The following FAM193A variants were observed in gnomAD, a reference collection of about 807,000 sequenced individuals.
FAM193A encodes protein FAM193A.
FAM193A carries 22 observed loss-of-function variants against 126.5 expected under a neutral mutation model. That is an observed-to-expected ratio of 0.17 (90% CI 0.12 to 0.25). The LOEUF (loss-of-function observed/expected upper bound fraction) is 0.25, where lower values mean the gene tolerates loss of function less well. Among genes scored for constraint, FAM193A ranks in the 10% least tolerant of loss-of-function variants. The pLI is 1.00. For synonymous variants in FAM193A, 761 were observed against 646.8 expected, an observed-to-expected ratio of 1.18 and a Z score of -2.68; for missense variants, 1,675 against 1,672.8, an observed-to-expected ratio of 1.00 and a Z score of -0.02.
At position 2,693,940 on chromosome 4, in the gene FAM193A, C is replaced by A. The variant is rs1716731759; in HGVS notation, c.3092+66C>A. The A allele has an allele frequency of 2.2e-5, 33 of 1,501,390 alleles. 1 individual carries two copies. In the South Asian group the frequency reaches 4.0e-4, roughly 18 times the overall value. The allele number at this position is 1,501,390 out of a possible 1,614,324, so 93.0% of individuals were successfully genotyped here. ...AAATGGGTGTTATGCCTCACTAACACAGCTACAGAAACTCCCCTGGGACCA... is the reference window on the plus strand; with the variant it reads ...AAATGGGTGTTATGCCTCACTAACAAAGCTACAGAAACTCCCCTGGGACCA... On this transcript the variant is annotated intron_variant, in intron 16 of 20. Coordinates refer to ENST00000637812, the MANE Select transcript of FAM193A (RefSeq NM_001366318.2).
intron 19 of FAM193A, among the ~76,000 whole-genome samples, chr4:2,703,675 A>T (rs1412569392): frequency 1.3e-5 from 2 of 149,652 alleles, no homozygotes; most frequent in Non-Finnish European, 3.0e-5. Flanking sequence ...GTCAAAAGGT[A>T]AGTGTGTTCC....
intron 1 of FAM193A, among the ~76,000 whole-genome samples, chr4:2,581,474 C>T (rs1020224855): frequency 2.6e-5 from 4 of 151,834 alleles, no homozygotes; most frequent in African/African-American, 7.3e-5. Flanking sequence ...AGGCTGATCT[C>T]GACTCCTGAG....
At position 2,618,636 on chromosome 4, in the gene FAM193A, C is replaced by T. The variant is rs570654761; in HGVS notation, c.502-6626C>T. On this transcript the variant is annotated intron_variant, in intron 2 of 20. Transcript: ENST00000637812. ...TTGAGACGAAGTTTTGCTCTTGTTG[C>T]CCAGGCTGAAGTGCAATGGTGTGAT... is the stretch of plus-strand genomic sequence containing the variant. 7.9e-4 allele frequency among the ~76,000 whole-genome samples: 105 copies of T among 133,624 alleles called. 3 individuals carry two copies. In the South Asian group the frequency reaches 0.022, roughly 28 times the overall value. The allele number at this position is 133,624 out of a possible 152,430, so 87.7% of individuals were successfully genotyped here. A position where few individuals can be genotyped will look rare whatever the true frequency, so the allele number is the denominator to read the frequency against.
chr4:2,712,964 G>A (rs1719145960), intron 19 of FAM193A, among the ~76,000 whole-genome samples: 1 of 152,006 alleles, frequency 6.6e-6, no homozygotes, highest in Non-Finnish European at 1.5e-5. Context: ...ATTAGCCCAG[G>A]TGTGGTGGTG....
At chr4:2,674,833 C>CA (rs75774261) in intron 13 of FAM193A, among the ~76,000 whole-genome samples, 5,645 of 105,764 alleles carry the variant, frequency 0.053, 141 homozygotes, top group South Asian at 0.086. Context: ...CTGTCTCTAC[C>CA]AAAAAAAAAA....
intron 1 of FAM193A, among the ~76,000 whole-genome samples, chr4:2,591,876 T>C (rs552921732): frequency 2.6e-5 from 4 of 152,184 alleles, no homozygotes; most frequent in African/African-American, 9.7e-5. Flanking sequence ...AAATACATCA[T>C]AGATGGTAGA....
chr4:2,724,646 T>C (rs1720524623), intron 20 of FAM193A, among the ~76,000 whole-genome samples: 1 of 152,070 alleles, frequency 6.6e-6, no homozygotes, highest in Non-Finnish European at 1.5e-5. Context: ...CCCAGGAGTT[T>C]GAGGTGTGAG....
chr4:2,652,685 A>G (rs1745791531), intron 7 of FAM193A, among the ~76,000 whole-genome samples: 1 of 152,148 alleles, frequency 6.6e-6, no homozygotes, highest in Admixed American at 6.5e-5. Context: ...ACCAGGCCCC[A>G]TCTCCAACAA....
At chr4:2,543,855 A>G (rs1463954533) in intron 1 of FAM193A, among the ~76,000 whole-genome samples, 1 of 135,816 alleles carries the variant, frequency 7.4e-6, no homozygotes, top group African/African-American at 2.7e-5. Flanking sequence ...GCACAAAAGA[A>G]TGAGACATTG....
intron 12 of FAM193A, among the ~76,000 whole-genome samples, chr4:2,667,581 A>G (rs1390507800): frequency 6.6e-6 from 1 of 152,086 alleles, no homozygotes; most frequent in African/African-American, 2.4e-5. Context: ...GGTGTTTCTT[A>G]ACGTCCGTTT....
At chr4:2,703,254 GT>G (rs1215115210) in intron 19 of FAM193A, among the ~76,000 whole-genome samples, 1 of 151,822 alleles carries the variant, frequency 6.6e-6, no homozygotes, top group East Asian at 1.9e-4. Context: ...TTTTGTTTTT[GT>G]TTCTGTTTTA....
At chr4:2,648,410 CATG>C (rs1204628145) in intron 7 of FAM193A, among the ~76,000 whole-genome samples, 3 of 152,220 alleles carry the variant, frequency 2.0e-5, no homozygotes, top group African/African-American at 7.2e-5. Context: ...TCCTGTGCCT[CATG>C]GTGGGGCCTG....
chr4:2,720,301 G>T (rs1203692564), intron 20 of FAM193A, among the ~76,000 whole-genome samples: 1 of 152,112 alleles, frequency 6.6e-6, no homozygotes, highest in African/African-American at 2.4e-5. Flanking sequence ...AAATATAAAA[G>T]AACTTACAGC....
chr4:2,717,235 C>T (rs923069361), intron 20 of FAM193A, among the ~76,000 whole-genome samples: 2 of 152,188 alleles, frequency 1.3e-5, no homozygotes, highest in African/African-American at 4.8e-5. Context: ...TCACCTCAGC[C>T]TCCCAAAGTG....
chr4:2,691,684 G>T (rs1716396570), intron 15 of FAM193A, among the ~76,000 whole-genome samples: 1 of 151,580 alleles, frequency 6.6e-6, no homozygotes. Flanking sequence ...GAGTGTGGTA[G>T]CTCCCAGCAC....
intron 1 of FAM193A, among the ~76,000 whole-genome samples, chr4:2,576,300 A>G (rs1399313966): frequency 6.6e-6 from 1 of 151,810 alleles, no homozygotes; most frequent in South Asian, 2.1e-4. Flanking sequence ...GGGTTTCACT[A>G]TGTTGGCCAG....
intron 1 of FAM193A, among the ~76,000 whole-genome samples, chr4:2,541,612 A>G (rs577527850): frequency 3.3e-5 from 5 of 150,892 alleles, no homozygotes; most frequent in Non-Finnish European, 7.4e-5. Context: ...CGCCCAGCTA[A>G]TTTTTGTATT....
chr4:2,693,652 G>A lies in FAM193A; in HGVS notation c.2870G>A (p.Ser957Asn), dbSNP rs1295101748. 7 of 1,614,042 alleles carry A rather than the reference G, an allele frequency of 4.3e-6. No individual in the cohort carries two copies. The highest frequency in any genetic ancestry group is 1.6e-4 in the Middle Eastern group (1 of 6,084). ...RHSAPAAPRN[S>N]PTGLAPLPAL... ...TCGGCCCCAGCCGCCCCGAGGAATA[G>A]CCCCACGGGCTTGGCCCCCCTCCCA... Residue 957 changes from serine to asparagine, a missense_variant, in exon 16 of 21, where the codon AGC becomes AAC. By Grantham distance (46) the Ser-to-Asn change is conservative. Around this residue, in one of 4 missense-constraint regions of FAM193A, gnomAD observed 1,186 missense variants for 1,109.2 expected, o/e 1.07. Coordinates refer to ENST00000637812, the MANE Select transcript of FAM193A (RefSeq NM_001366318.2).
chr4:2,678,122 C>T (rs746646352), intron 13 of FAM193A, among the ~76,000 whole-genome samples: 16 of 151,264 alleles, frequency 1.1e-4, no homozygotes, highest in South Asian at 2.1e-4. Context: ...CTCAGCCTCC[C>T]GTACAGGCAC....
Sources: gnomAD v4.1 joint callset for allele counts (sites outside exome capture counted in the v4.1 genomes callset) on GRCh38, gnomAD v4.1.1 for gene constraint, gnomAD v4.1.1 regional missense constraint, MANE v1.5 for transcripts, NCBI Gene and HGNC (gene_info 2026-07-23, HGNC 2026-07-21) for gene names.